The following TPRG1 variants were observed in gnomAD, a reference collection of about 807,000 sequenced individuals.
TPRG1 encodes the protein tumor protein p63-regulated gene 1 protein.
A neutral mutation model predicts 29.3 loss-of-function variants in TPRG1; 29 were observed. The observed-to-expected ratio is 0.99, with a 90% CI of 0.74 to 1.35. The LOEUF (loss-of-function observed/expected upper bound fraction) is 1.35, where lower values mean the gene tolerates loss of function less well. Among genes scored for constraint, TPRG1 ranks in the 40% most tolerant of loss-of-function variants. The pLI, the probability that TPRG1 is intolerant of heterozygous loss-of-function variation, is 0.00. For synonymous variants in TPRG1, 130 were observed against 116.8 expected (o/e 1.11, Z -0.73); for missense variants, 327 against 335.0 (o/e 0.98, Z 0.19).
intron 1 of TPRG1, among the ~76,000 whole-genome samples, chr3:189,111,406 T>C (rs1050271234): frequency 1.3e-5 from 2 of 152,100 alleles, no homozygotes; most frequent in Non-Finnish European, 2.9e-5. Flanking sequence ...CCCCTACTTA[T>C]AATGGTCCAA....
chr3:189,242,941 C>A (rs116760895), intron 4 of TPRG1, among the ~76,000 whole-genome samples: 1 of 151,892 alleles, frequency 6.6e-6, no homozygotes, highest in African/African-American at 2.4e-5. Context: ...GTTGTTGCAG[C>A]TGAAGGCATA....
At chr3:189,231,265 C>CATATATATATATAT (rs149177739) in intron 3 of TPRG1, among the ~76,000 whole-genome samples, 2,145 of 144,182 alleles carry the variant, frequency 0.015, 26 homozygotes, top group Non-Finnish European at 0.019. Flanking sequence ...ACCTATAAAA[C>CATATATATATATAT]ATATATATAT....
intron 4 of TPRG1, among the ~76,000 whole-genome samples, chr3:189,082,008 A>C (rs1450631399): frequency 6.6e-6 from 1 of 152,204 alleles, no homozygotes; most frequent in Non-Finnish European, 1.5e-5. Context: ...ATTTGATAAT[A>C]AGCCATCTAC....
chr3:189,058,926 C>T (rs934213068), intron 4 of TPRG1, among the ~76,000 whole-genome samples: 2 of 152,142 alleles, frequency 1.3e-5, no homozygotes, highest in Admixed American at 6.6e-5. Flanking sequence ...CAAGCAAGAT[C>T]GAGCAAACTG....
At chr3:189,263,565 AC>A (rs550875753) in intron 4 of TPRG1, among the ~76,000 whole-genome samples, 56 of 152,322 alleles carry the variant, frequency 3.7e-4, no homozygotes, top group African/African-American at 1.3e-3. Context: ...CACAGTTAAA[AC>A]TAGTTTGAAA....
chr3:189,213,769 A>G (rs1463419752), intron 2 of TPRG1, among the ~76,000 whole-genome samples: 1 of 152,138 alleles, frequency 6.6e-6, no homozygotes, highest in Non-Finnish European at 1.5e-5. Flanking sequence ...TTATGCAGAA[A>G]ATGGCATATT....
chr3:189,148,081 C>A lies in TPRG1; in HGVS notation c.-227+434C>A, dbSNP rs571767259. Among the ~76,000 whole-genome samples the A allele has an allele frequency of 2.0e-5, 3 of 152,284 alleles. No homozygotes were observed. In the East Asian group the frequency reaches 5.8e-4, roughly 29 times the overall value. On this transcript the variant is annotated intron_variant, in intron 4 of 6. Coordinates refer to the TPRG1 transcript ENST00000412373. ...TTCACAGATGTGAATTCTGCCCAGTCAAAAGTCTTGGTGTTTGTAGGATTT... is the reference window on the plus strand; with the variant it reads ...TTCACAGATGTGAATTCTGCCCAGTAAAAAGTCTTGGTGTTTGTAGGATTT...
intron 4 of TPRG1, among the ~76,000 whole-genome samples, chr3:189,270,650 C>T (rs1714963821): frequency 6.6e-6 from 1 of 152,224 alleles, no homozygotes; most frequent in Non-Finnish European, 1.5e-5. Context: ...GTAGCCACTA[C>T]AATGCATTAA....
chr3:189,100,787 C>T (rs1659729888), intron 1 of TPRG1, among the ~76,000 whole-genome samples: 1 of 152,156 alleles, frequency 6.6e-6, no homozygotes. Flanking sequence ...CAGCGGTTGG[C>T]CCCACCAAGA....
chr3:189,303,547 G>T (rs1268933590), intron 4 of TPRG1, among the ~76,000 whole-genome samples: 1 of 151,330 alleles, frequency 6.6e-6, no homozygotes, highest in Admixed American at 6.6e-5. Flanking sequence ...ATTTTTTTTT[G>T]ACTACCAGTC....
At chr3:189,272,099 A>G (rs1015695182) in intron 4 of TPRG1, among the ~76,000 whole-genome samples, 1 of 152,208 alleles carries the variant, frequency 6.6e-6, no homozygotes, top group African/African-American at 2.4e-5. Context: ...TAGGAGTACA[A>G]CTTAGTTCTT....
intron 1 of TPRG1, among the ~76,000 whole-genome samples, chr3:189,105,922 G>A (rs929259829): frequency 6.6e-6 from 1 of 152,036 alleles, no homozygotes; most frequent in African/African-American, 2.4e-5. Context: ...GAAAGTATCA[G>A]GAAAAATAGC....
At chr3:189,010,490 G>T (rs1040349026) in intron 3 of TPRG1, among the ~76,000 whole-genome samples, 11 of 152,078 alleles carry the variant, frequency 7.2e-5, no homozygotes, top group Admixed American at 7.2e-4. Flanking sequence ...GGTGTGAGAT[G>T]GTATCTCATT....
chr3:189,273,698 C>T (rs144059214), intron 4 of TPRG1, among the ~76,000 whole-genome samples: 33 of 152,344 alleles, frequency 2.2e-4, no homozygotes, highest in Admixed American at 7.8e-4. Context: ...CTTTATTTCT[C>T]CTCATCCCTG....
chr3:189,315,804 A>C, intron 5 of TPRG1: 1 of 184,050 alleles, frequency 5.4e-6, no homozygotes, highest in Non-Finnish European at 1.2e-5. Context: ...AATAAAACTG[A>C]TTTTGCCCTA....
At position 189,024,426 on chromosome 3, in the gene TPRG1, G is replaced by T. The variant is rs73062692; in HGVS notation, c.-463+480G>T. Among the ~76,000 whole-genome samples the T allele has an allele frequency of 7.1e-3, 1,080 of 151,626 alleles. 13 individuals are homozygous for T. The highest frequency in any genetic ancestry group is 0.025 in the African/African-American group (1,024 of 41,320). On this transcript the variant is annotated intron_variant, in intron 4 of 10. Coordinates refer to the TPRG1 transcript ENST00000433971. ...CTCCCAGGGCACTCTATCCCAGGGG[G>T]AAATCAAAACTCTGTCTATATAATA...
At chr3:189,055,512 G>T (rs1290211633) in intron 4 of TPRG1, among the ~76,000 whole-genome samples, 4 of 152,170 alleles carry the variant, frequency 2.6e-5, no homozygotes, top group African/African-American at 7.2e-5. Context: ...CAACCAAGGT[G>T]CAGGGGAGCT....
chr3:189,219,296 GA>G (rs1560568437), intron 3 of TPRG1, among the ~76,000 whole-genome samples: 1 of 152,028 alleles, frequency 6.6e-6, no homozygotes, highest in Non-Finnish European at 1.5e-5. Flanking sequence ...AGAAGACAAA[GA>G]AAATAAACAG....
At chr3:189,274,899 TAA>T (rs1715842849) in intron 4 of TPRG1, among the ~76,000 whole-genome samples, 1 of 151,666 alleles carries the variant, frequency 6.6e-6, no homozygotes, top group Non-Finnish European at 1.5e-5. Flanking sequence ...CAAGAATCAC[TAA>T]GTTTTCCCAA....
Sources: allele counts gnomAD v4.1 joint callset (sites outside exome capture counted in the v4.1 genomes callset), GRCh38; gene constraint gnomAD v4.1.1; transcripts MANE v1.5; gene names NCBI Gene and HGNC (gene_info 2026-07-23, HGNC 2026-07-21).